MAGI1: variants seen among roughly 807,000 people sequenced by gnomAD.
MAGI1 encodes the protein membrane-associated guanylate kinase, WW and PDZ domain-containing protein 1.
Under a neutral mutation model 139.9 loss-of-function variants are expected in MAGI1, and 58 were observed. The ratio of observed to expected loss-of-function variants is 0.41; its 90% CI spans 0.34 to 0.52. MAGI1 has a LOEUF of 0.52. Among genes scored for constraint, MAGI1 ranks in the 20% least tolerant of loss-of-function variants. The probability of loss-of-function intolerance (pLI) is 0.12; values close to 1 mark genes in which losing one functional copy is unlikely to be tolerated. For synonymous variants in MAGI1, 812 were observed against 737.9 expected, an observed-to-expected ratio of 1.10 and a Z score of -1.63; for missense variants, 1,874 against 1,901.6, an observed-to-expected ratio of 0.99 and a Z score of 0.27.
chr3:65,716,126 G>A (rs9847675), intron 1 of MAGI1, among the ~76,000 whole-genome samples: 27,884 of 152,178 alleles, frequency 0.18, 2,890 homozygotes, highest in Non-Finnish European at 0.24. Context: ...GCATCCTCTT[G>A]TCCTCAACTT....
At chr3:65,991,775 G>A (rs1225066023) in intron 1 of MAGI1, among the ~76,000 whole-genome samples, 2 of 152,192 alleles carry the variant, frequency 1.3e-5, no homozygotes, top group African/African-American at 4.8e-5. Context: ...AGCACTTTGA[G>A]AGGCCGAGGT....
chr3:65,478,746 C>T lies in MAGI1; in HGVS notation c.603G>A (p.Val201=), dbSNP rs1317969211. ...GGCTGTGCAAGGCATCCGTCGTGAT[C>T]ACTTTCCCACTGACTGGCTGGCTAG... The part of the protein sequence containing the change: ...KPPSQPVSGK[V]ITTDALHSLQ... Residue 201 remains valine (V), a synonymous_variant, in exon 4 of 23, where the codon GTG becomes GTA. Transcript: ENST00000402939. 6.2e-7 allele frequency: 1 copy of T among 1,614,130 alleles called. No homozygotes were observed. Among genetic ancestry groups the T allele is most frequent in the South Asian group, 1.1e-5 (1 of 91,076 alleles).
chr3:65,537,127 C>T (rs12632025), intron 2 of MAGI1, among the ~76,000 whole-genome samples: 1 of 152,170 alleles, frequency 6.6e-6, no homozygotes, highest in Admixed American at 6.5e-5. Flanking sequence ...CTAACCTCCT[C>T]TGCCATCATC....
chr3:65,847,805 T>A (rs1202154622), intron 1 of MAGI1, among the ~76,000 whole-genome samples: 1 of 152,176 alleles, frequency 6.6e-6, no homozygotes, highest in Non-Finnish European at 1.5e-5. Flanking sequence ...ATTTTACAAG[T>A]GAGGACACTG....
chr3:65,887,391 A>G (rs1229203107), intron 1 of MAGI1, among the ~76,000 whole-genome samples: 4 of 1,822 alleles, frequency 2.2e-3, no homozygotes, highest in African/African-American at 6.8e-3. Flanking sequence ...TGATACCAGA[A>G]AAAAAAAAAA....
At chr3:65,750,594 A>T (rs994806930) in intron 1 of MAGI1, among the ~76,000 whole-genome samples, 1 of 152,236 alleles carries the variant, frequency 6.6e-6, no homozygotes, top group African/African-American at 2.4e-5. Flanking sequence ...TGAGAAGTCA[A>T]ATTTTGCTGT....
At chr3:65,887,666 C>T (rs541245094) in intron 1 of MAGI1, among the ~76,000 whole-genome samples, 1 of 152,108 alleles carries the variant, frequency 6.6e-6, no homozygotes, top group Admixed American at 6.5e-5. Flanking sequence ...CTGGTTAGGA[C>T]GTTAATAAGC....
chr3:65,941,371 C>A (rs948292309), intron 1 of MAGI1, among the ~76,000 whole-genome samples: 5 of 151,980 alleles, frequency 3.3e-5, no homozygotes, highest in African/African-American at 9.7e-5. Context: ...AATTATATTG[C>A]CCCTAGTTAA....
rs1267675560 is a variant in MAGI1, at chr3:65,718,494, T to G, written c.314-96406A>C. On this transcript the variant is annotated intron_variant, in intron 1 of 22. Transcript: ENST00000402939. ...TTTGCTCTATCTTTTCCAATCTACT[T>G]CTATCACACTTCTATTCTCTGCAAA... is the stretch of plus-strand genomic sequence containing the variant. The G allele has an allele frequency of 3.3e-5, 5 of 152,300 alleles. No individual in the cohort carries two copies. The East Asian group carries it at 9.6e-4, about 29-fold the overall frequency. 9.4% of individuals were successfully genotyped at this position (152,300 alleles called of 1,614,324 possible). A position where few individuals can be genotyped will look rare whatever the true frequency, so the allele number is the denominator to read the frequency against.
intron 2 of MAGI1, among the ~76,000 whole-genome samples, chr3:65,550,721 T>C (rs1002209670): frequency 6.6e-6 from 1 of 151,918 alleles, no homozygotes; most frequent in Non-Finnish European, 1.5e-5. Flanking sequence ...TCCCAGCAAT[T>C]TGGGAGGCCA....
At chr3:65,882,794 G>T in intron 1 of MAGI1, among the ~76,000 whole-genome samples, 1 of 151,830 alleles carries the variant, frequency 6.6e-6, no homozygotes, top group Non-Finnish European at 1.5e-5. Context: ...AATTAGCCAG[G>T]CATGGTGGTG....
intron 7 of MAGI1, among the ~76,000 whole-genome samples, chr3:65,447,030 C>T (rs1948722968): frequency 6.6e-6 from 1 of 152,094 alleles, no homozygotes; most frequent in African/African-American, 2.4e-5. Flanking sequence ...ACTAAATAGA[C>T]TTATATTTTC....
chr3:65,774,046 T>C (rs1160441514), intron 1 of MAGI1, among the ~76,000 whole-genome samples: 1 of 150,232 alleles, frequency 6.7e-6, no homozygotes, highest in East Asian at 2.0e-4. Context: ...ATGCTAACCA[T>C]CCCAGTAACT....
At chr3:65,833,263 C>T (rs1266634873) in intron 1 of MAGI1, among the ~76,000 whole-genome samples, 1 of 152,032 alleles carries the variant, frequency 6.6e-6, no homozygotes, top group African/African-American at 2.4e-5. Context: ...GGATCACAGG[C>T]GTGCACCACT....
chr3:65,616,524 T>A (rs2083378597), intron 2 of MAGI1, among the ~76,000 whole-genome samples: 1 of 152,190 alleles, frequency 6.6e-6, no homozygotes, highest in Non-Finnish European at 1.5e-5. Context: ...GAGGATCCGG[T>A]ACACAGTAGG....
At chr3:65,660,084 A>G (rs1225725562) in intron 1 of MAGI1, among the ~76,000 whole-genome samples, 4 of 152,214 alleles carry the variant, frequency 2.6e-5, no homozygotes, top group African/African-American at 9.6e-5. Context: ...GGCAAATACA[A>G]AAAAAGAGAA....
intron 1 of MAGI1, among the ~76,000 whole-genome samples, chr3:65,882,376 A>G (rs148556938): frequency 1.3e-3 from 200 of 152,342 alleles, no homozygotes; most frequent in African/African-American, 4.6e-3. Flanking sequence ...AGGAGGCAGG[A>G]ACTAGCAATC....
At chr3:65,954,973 CTT>C (rs779244981) in intron 1 of MAGI1, among the ~76,000 whole-genome samples, 2 of 151,510 alleles carry the variant, frequency 1.3e-5, no homozygotes, top group Non-Finnish European at 2.9e-5. Flanking sequence ...AGAATTGAGA[CTT>C]AGAAAAATGA....
At chr3:65,675,801 A>G (rs1263485297) in intron 1 of MAGI1, among the ~76,000 whole-genome samples, 2 of 152,228 alleles carry the variant, frequency 1.3e-5, no homozygotes, top group Non-Finnish European at 2.9e-5. Flanking sequence ...CAAGCCAACC[A>G]CTTCATATGG....
Sources: allele counts gnomAD v4.1 joint callset (sites outside exome capture counted in the v4.1 genomes callset), GRCh38; gene constraint gnomAD v4.1.1; transcripts MANE v1.5; gene names NCBI Gene and HGNC (gene_info 2026-07-23, HGNC 2026-07-21).